Variants in CNTN4 observed in about 807,000 individuals in gnomAD.
The protein encoded by CNTN4 is contactin-4.
In CNTN4, 77 loss-of-function variants were observed where a neutral mutation model predicts 122.5. That is an observed-to-expected ratio of 0.63 (90% CI 0.52 to 0.76). CNTN4 has a LOEUF of 0.76. CNTN4 is among the 30% of genes least tolerant of loss of function. The pLI, the probability that CNTN4 is intolerant of heterozygous loss-of-function variation, is 0.00. For synonymous variants in CNTN4, 512 were observed against 447.0 expected (o/e 1.15, Z -1.83); for missense variants, 1,256 against 1,259.1 (o/e 1.00, Z 0.04).
intron 13 of CNTN4, among the ~76,000 whole-genome samples, chr3:2,950,980 T>C (rs1022696379): frequency 1.3e-5 from 2 of 152,232 alleles, no homozygotes; most frequent in African/African-American, 2.4e-5. Context: ...GATGAATGAA[T>C]TCACTAGCTG....
At chr3:2,515,921 C>T (rs2077027423) in intron 3 of CNTN4, among the ~76,000 whole-genome samples, 1 of 151,958 alleles carries the variant, frequency 6.6e-6, no homozygotes, top group Non-Finnish European at 1.5e-5. Context: ...TATATATACA[C>T]ACACACTTAT....
intron 4 of CNTN4, among the ~76,000 whole-genome samples, chr3:2,604,464 A>G (rs1442395977): frequency 1.3e-5 from 2 of 152,204 alleles, no homozygotes; most frequent in Non-Finnish European, 2.9e-5. Context: ...GTTCAGTTGG[A>G]TTGACAATCA....
Position 2,925,638 on chromosome 3 carries a change from C to T in CNTN4, c.1217C>T (p.Pro406Leu). 1.2e-6 allele frequency: 2 copies of T among 1,613,798 alleles called. No individual in the cohort carries two copies. The highest frequency in any genetic ancestry group is 1.7e-6 in the Non-Finnish European group (2 of 1,179,826). ...NAELSVIAVG[P>L]DFSRTLLKRV... ...TTGTACTGTCTTTCAGCTGTAGGTC[C>T]AGATTTTTCAAGAACACTCTTGAAA... Residue 406 changes from proline (P) to leucine (L), a missense_variant, in exon 13 of 25, where the codon CCA becomes CTA. Transcript: ENST00000418658.
At chr3:2,921,729 C>T (rs902442095) in intron 12 of CNTN4, among the ~76,000 whole-genome samples, 14 of 152,274 alleles carry the variant, frequency 9.2e-5, no homozygotes, top group Middle Eastern at 3.4e-3. Context: ...GACATCACAT[C>T]CATATATTTC....
intron 4 of CNTN4, among the ~76,000 whole-genome samples, chr3:2,651,289 C>T (rs6791080): frequency 0.35 from 53,029 of 151,932 alleles, 11,350 homozygotes; most frequent in East Asian, 0.65. Context: ...CCTTAGGATC[C>T]TCTTGCTTCC....
chr3:2,782,036 A>C (rs766442776), intron 6 of CNTN4, among the ~76,000 whole-genome samples: 2 of 151,904 alleles, frequency 1.3e-5, no homozygotes, highest in African/African-American at 2.4e-5. Context: ...AATATAAAGG[A>C]ATGTCTGGGT....
intron 3 of CNTN4, among the ~76,000 whole-genome samples, chr3:2,566,326 A>G (rs941379342): frequency 6.6e-6 from 1 of 152,240 alleles, no homozygotes; most frequent in Non-Finnish European, 1.5e-5. Flanking sequence ...TTAACCTTGG[A>G]CGAGTTTCAT....
At chr3:2,389,054 C>G (rs71309893) in intron 3 of CNTN4, among the ~76,000 whole-genome samples, 24,709 of 144,418 alleles carry the variant, frequency 0.17, 2,475 homozygotes, top group Middle Eastern at 0.29. Flanking sequence ...CCAGCTACTC[C>G]GGAGGCTGAG....
At chr3:3,025,968 TGCTGGTCACA>T in intron 14 of CNTN4, 124 bp from the exon 15 acceptor site, 1 of 833,388 alleles carries the variant, frequency 1.2e-6, no homozygotes, top group Non-Finnish European at 2.0e-6. Flanking sequence ...GACTGAGGTT[TGCTGGTCACA>T]GCCTCAGAAA....
intron 3 of CNTN4, among the ~76,000 whole-genome samples, chr3:2,519,167 C>T (rs555379041): frequency 6.6e-6 from 1 of 152,212 alleles, no homozygotes; most frequent in Non-Finnish European, 1.5e-5. Flanking sequence ...GATCGGCTTG[C>T]CCTCCTTGTA....
chr3:2,842,639 C>T (rs959673175), intron 7 of CNTN4, among the ~76,000 whole-genome samples: 1 of 152,128 alleles, frequency 6.6e-6, no homozygotes, highest in Non-Finnish European at 1.5e-5. Context: ...GGACTTTTCC[C>T]CAGAATTGCA....
At chr3:2,976,529 G>A (rs527521783) in intron 13 of CNTN4, among the ~76,000 whole-genome samples, 14 of 152,168 alleles carry the variant, frequency 9.2e-5, no homozygotes, top group East Asian at 3.9e-4. Flanking sequence ...GAGACTACAC[G>A]GAAAGGTCAA....
intron 6 of CNTN4, among the ~76,000 whole-genome samples, chr3:2,812,520 A>G (rs2092636935): frequency 6.6e-6 from 1 of 152,214 alleles, no homozygotes; most frequent in African/African-American, 2.4e-5. Context: ...TAGGACTAGC[A>G]GAAGAGGATA....
intron 6 of CNTN4, among the ~76,000 whole-genome samples, chr3:2,791,214 T>G (rs2149972893): frequency 6.6e-6 from 1 of 152,306 alleles, no homozygotes; most frequent in East Asian, 1.9e-4. Context: ...TTTTTATTAT[T>G]TAGTTCAGAA....
intron 2 of CNTN4, among the ~76,000 whole-genome samples, chr3:2,173,205 G>A (rs557813028): frequency 2.6e-5 from 4 of 152,288 alleles, no homozygotes; most frequent in African/African-American, 7.2e-5. Flanking sequence ...AACTCCTAAC[G>A]AGGACACAGT....
At chr3:2,517,154 A>AG (rs2077062537) in intron 3 of CNTN4, among the ~76,000 whole-genome samples, 1 of 152,090 alleles carries the variant, frequency 6.6e-6, no homozygotes, top group Non-Finnish European at 1.5e-5. Context: ...GAGAAAAAGG[A>AG]GTGCTGTTGG....
chr3:3,056,097 G>C (rs1559846096), intron 24 of CNTN4, 23 bp from the exon 25 acceptor site: 5 of 1,602,538 alleles, frequency 3.1e-6, no homozygotes, highest in Non-Finnish European at 4.3e-6. Flanking sequence ...GCTGTTTTGA[G>C]TGAATTTGTT....
At chr3:2,581,876 A>G (rs2079955905) in intron 4 of CNTN4, among the ~76,000 whole-genome samples, 2 of 152,212 alleles carry the variant, frequency 1.3e-5, no homozygotes, top group Non-Finnish European at 2.9e-5. Context: ...TACCGTGCTA[A>G]GTGAATGAAG....
chr3:2,842,126 A>T (rs1264394930), intron 7 of CNTN4, among the ~76,000 whole-genome samples: 1 of 152,222 alleles, frequency 6.6e-6, no homozygotes, highest in African/African-American at 2.4e-5. Context: ...ACGGAAAGCC[A>T]TGAGCTCTTC....
Sources: allele counts gnomAD v4.1 joint callset (sites outside exome capture counted in the v4.1 genomes callset), GRCh38; gene constraint gnomAD v4.1.1; transcripts MANE v1.5; gene names NCBI Gene and HGNC (gene_info 2026-07-23, HGNC 2026-07-21).